The following PRUNE2 variants were observed in gnomAD, a reference collection of about 807,000 sequenced individuals.
The protein encoded by PRUNE2 is prune homolog 2 with BCH domain, also known as protein prune homolog 2.
A neutral mutation model predicts 252.0 loss-of-function variants in PRUNE2; 164 were observed. The ratio of observed to expected loss-of-function variants is 0.65; its 90% CI spans 0.57 to 0.74. The LOEUF (loss-of-function observed/expected upper bound fraction) is 0.74, where lower values mean the gene tolerates loss of function less well. PRUNE2 is among the 30% of genes least tolerant of loss of function. PRUNE2 has a pLI of 0.00. For missense variants in PRUNE2, 3,495 were observed against 3,711.0 expected (o/e 0.94, Z 1.51); for synonymous variants, 1,292 against 1,350.2 (o/e 0.96, Z 0.94).
chr9:76,803,211 T>C (rs118062537), intron 6 of PRUNE2, among the ~76,000 whole-genome samples: 2,160 of 152,270 alleles, frequency 0.014, 25 homozygotes, highest in South Asian at 0.047. Context: ...CACACACCAC[T>C]TTGGGAAGGG....
rs1385436953 is a variant in PRUNE2 at position 76,707,972 on chromosome 9, G to A, written c.4302C>T (p.Leu1434=). The A allele has an allele frequency of 6.2e-7, 1 of 1,613,950 alleles. No individual in the cohort carries two copies. Among genetic ancestry groups the A allele is most frequent in the South Asian group, 1.1e-5 (1 of 91,072 alleles). Residue 1434 remains leucine, a synonymous_variant, in exon 8 of 19, where the codon CTC becomes CTT. Coordinates refer to ENST00000376718, the MANE Select transcript of PRUNE2 (RefSeq NM_015225.3). The stretch of plus-strand genomic sequence containing the variant: ...TTTCACCTGAATTTCTTTGACTCAT[G>A]AGGTGTTTTTCATGGGTATCTTTTG... ...LQPKDTHEKH[L]MSQRNSGETT...
At chr9:76,745,030 C>T (rs1241620410) in intron 6 of PRUNE2, among the ~76,000 whole-genome samples, 1 of 152,052 alleles carries the variant, frequency 6.6e-6, no homozygotes, top group African/African-American at 2.4e-5. Flanking sequence ...TTTAACAAGC[C>T]CTGGAAAGTT....
At chr9:76,807,054 G>A (rs543754897) in intron 6 of PRUNE2, among the ~76,000 whole-genome samples, 19 of 150,126 alleles carry the variant, frequency 1.3e-4, no homozygotes, top group South Asian at 6.3e-4. Context: ...GTGTGTGTGC[G>A]CGCGCGCGTG....
At chr9:76,655,164 C>T (rs992875547) in intron 10 of PRUNE2, among the ~76,000 whole-genome samples, 21 of 152,150 alleles carry the variant, frequency 1.4e-4, no homozygotes, top group Non-Finnish European at 2.4e-4. Flanking sequence ...CCAATTATCA[C>T]AGGAACTGAA....
chr9:76,795,036 T>C (rs1390701118), intron 6 of PRUNE2, among the ~76,000 whole-genome samples: 1 of 152,162 alleles, frequency 6.6e-6, no homozygotes, highest in Non-Finnish European at 1.5e-5. Flanking sequence ...CCCACTGCTC[T>C]AACATATGGT....
intron 9 of PRUNE2, among the ~76,000 whole-genome samples, chr9:76,677,918 G>A (rs1369009150): frequency 6.6e-6 from 1 of 152,166 alleles, no homozygotes; most frequent in African/African-American, 2.4e-5. Flanking sequence ...GCACTCGAGT[G>A]TTCCAAACCA....
At chr9:76,678,077 C>A (rs2042920783) in intron 9 of PRUNE2, among the ~76,000 whole-genome samples, 1 of 152,082 alleles carries the variant, frequency 6.6e-6, no homozygotes, top group Non-Finnish European at 1.5e-5. Flanking sequence ...ATATTATATT[C>A]TCTGGGGATT....
intron 6 of PRUNE2, among the ~76,000 whole-genome samples, chr9:76,756,469 T>C (rs1177498788): frequency 1.3e-5 from 2 of 152,164 alleles, no homozygotes; most frequent in Non-Finnish European, 2.9e-5. Context: ...CTTTCCAGAG[T>C]TGCATGGCTG....
chr9:76,748,503 G>A (rs995376045), intron 6 of PRUNE2, among the ~76,000 whole-genome samples: 1 of 152,140 alleles, frequency 6.6e-6, no homozygotes, highest in Non-Finnish European at 1.5e-5. Context: ...GGAAAGATTG[G>A]GGAGTGACTG....
At chr9:76,834,069 G>C (rs1325495466) in intron 4 of PRUNE2, among the ~76,000 whole-genome samples, 1 of 151,872 alleles carries the variant, frequency 6.6e-6, no homozygotes, top group Non-Finnish European at 1.5e-5. Context: ...TTTTAGGAGA[G>C]ACGGGGTTTC....
chr9:76,837,441 A>AAATAATTAAT (rs1554798657), intron 4 of PRUNE2, among the ~76,000 whole-genome samples: 1 of 134,826 alleles, frequency 7.4e-6, no homozygotes, highest in Non-Finnish European at 1.6e-5. Context: ...ACTCTGTCTC[A>AAATAATTAAT]AATAATAATA....
At chr9:76,809,984 A>G (rs1294553502) in intron 6 of PRUNE2, among the ~76,000 whole-genome samples, 1 of 152,148 alleles carries the variant, frequency 6.6e-6, no homozygotes, top group Non-Finnish European at 1.5e-5. Flanking sequence ...TGAGAGCTTC[A>G]TTGTTTGGGC....
intron 6 of PRUNE2, among the ~76,000 whole-genome samples, chr9:76,799,511 T>C (rs2056389391): frequency 6.6e-6 from 1 of 152,202 alleles, no homozygotes; most frequent in African/African-American, 2.4e-5. Flanking sequence ...AATATGATGT[T>C]CAGGATGTGT....
rs139967135 is a variant in PRUNE2 at position 76,904,909 on chromosome 9, A to T, written c.36+1019T>A. ...TGTGCGAGGGTAAATGAGTTACAGT[A>T]ATAACCCTGCAAATATCCTGCCTTG... On this transcript the variant is annotated intron_variant, in intron 1 of 18. Coordinates refer to ENST00000376718, the MANE Select transcript of PRUNE2 (RefSeq NM_015225.3). Among the ~76,000 whole-genome samples the T allele has an allele frequency of 4.2e-4, 64 of 152,326 alleles. 2 individuals carry two copies. The East Asian group carries it at 0.012, about 28-fold the overall frequency.
At chr9:76,687,075 T>A (rs1016692618) in intron 9 of PRUNE2, among the ~76,000 whole-genome samples, 2 of 152,200 alleles carry the variant, frequency 1.3e-5, no homozygotes, top group Non-Finnish European at 2.9e-5. Context: ...GAACTTAGTC[T>A]AATGTACAAG....
Position 76,670,332 on chromosome 9 carries a change from C to T in PRUNE2, c.8277-14830G>A, listed in dbSNP as rs377353707. Among the ~76,000 whole-genome samples the T allele has an allele frequency of 5.4e-3, 815 of 151,246 alleles. 2 individuals carry two copies. Among genetic ancestry groups the T allele is most frequent in the African/African-American group, 0.018 (736 of 41,200 alleles). On this transcript the variant is annotated intron_variant, in intron 9 of 18. Transcript: ENST00000376718. The stretch of plus-strand genomic sequence containing the variant: ...TCGGGTCACTCCCACCCAAATACTG[C>T]GCTTTTCCAAAGGGCTTAAAAAACG...
At chr9:76,631,655 G>A (rs754031465) in intron 15 of PRUNE2, among the ~76,000 whole-genome samples, 3 of 152,214 alleles carry the variant, frequency 2.0e-5, no homozygotes, top group Non-Finnish European at 4.4e-5. Context: ...CCAGTGCTTG[G>A]CACAGACAAA....
intron 9 of PRUNE2, among the ~76,000 whole-genome samples, chr9:76,668,842 A>T (rs895495293): frequency 6.6e-6 from 1 of 150,652 alleles, no homozygotes; most frequent in Non-Finnish European, 1.5e-5. Flanking sequence ...AGTATCGCAC[A>T]CAGTAACTTC....
At chr9:76,683,875 T>G (rs980888937) in intron 9 of PRUNE2, among the ~76,000 whole-genome samples, 1 of 151,490 alleles carries the variant, frequency 6.6e-6, no homozygotes, top group Non-Finnish European at 1.5e-5. Flanking sequence ...TATATACACA[T>G]ATGTATTTGC....
Sources: gnomAD v4.1 joint callset for allele counts (sites outside exome capture counted in the v4.1 genomes callset) on GRCh38, gnomAD v4.1.1 for gene constraint, MANE v1.5 for transcripts, NCBI Gene and HGNC (gene_info 2026-07-23, HGNC 2026-07-21) for gene names.